Variants in OLFM1 observed in about 807,000 individuals in gnomAD.
OLFM1 encodes the protein noelin.
OLFM1 carries 9 observed loss-of-function variants against 49.7 expected under a neutral mutation model. The ratio of observed to expected loss-of-function variants is 0.18; its 90% CI spans 0.11 to 0.32. The LOEUF (loss-of-function observed/expected upper bound fraction) is 0.32, where lower values mean the gene tolerates loss of function less well. Ranked by LOEUF, OLFM1 falls within the 10% of genes least tolerant of loss-of-function variation. The pLI, the probability that OLFM1 is intolerant of heterozygous loss-of-function variation, is 1.00. For synonymous variants in OLFM1, 240 were observed against 271.8 expected (o/e 0.88, Z 1.15); for missense variants, 369 against 661.8 (o/e 0.56, Z 4.85).
chr9:135,090,455 G>A, intron 2 of OLFM1, 111 bp downstream of exon 2: 2 of 1,134,804 alleles, frequency 1.8e-6, no homozygotes, highest in East Asian at 2.6e-5. Context: ...TAGCTTGCAG[G>A]CCCCATTTTG....
chr9:135,100,419 G>A (rs1465286401), intron 4 of OLFM1, among the ~76,000 whole-genome samples: 1 of 152,194 alleles, frequency 6.6e-6, no homozygotes. Flanking sequence ...CCATTGATTT[G>A]GGAGTAAAGA....
intron 1 of OLFM1, among the ~76,000 whole-genome samples, chr9:135,082,367 G>A (rs729098): frequency 0.13 from 20,197 of 150,238 alleles, 1,594 homozygotes; most frequent in African/African-American, 0.21. Context: ...AAACCCTGCC[G>A]CGGGGATTTC....
In OLFM1 at chr9:135,120,543, T is replaced by A. The variant is rs1240045667; in HGVS notation, c.*365T>A. On this transcript the variant is annotated 3_prime_UTR_variant, in exon 6 of 6. Coordinates refer to ENST00000371793, the MANE Select transcript of OLFM1 (RefSeq NM_001282611.2). The stretch of plus-strand genomic sequence containing the variant: ...ATGGCATGAACATTTCCTTAGATCG[T>A]GGTCAGCTCCGAGGAATGTGGCGTC... 1 of 250,722 alleles carries A rather than the reference T, an allele frequency of 4.0e-6. No homozygotes were observed. The highest frequency in any genetic ancestry group is 2.3e-5 in the African/African-American group (1 of 43,920). The allele number at this position is 250,722 out of a possible 1,614,324, so 15.5% of individuals were successfully genotyped here.
chr9:135,083,216 G>T (rs1371024940), upstream of OLFM1, among the ~76,000 whole-genome samples: 1 of 152,172 alleles, frequency 6.6e-6, no homozygotes, highest in African/African-American at 2.4e-5. Context: ...CGTGTCTGCT[G>T]AATTGTCTTG....
At chr9:135,091,827 TCACAGTCACACACACA>T (rs1830715307) in intron 2 of OLFM1, among the ~76,000 whole-genome samples, 1 of 52,886 alleles carries the variant, frequency 1.9e-5, no homozygotes, top group Non-Finnish European at 3.8e-5. Context: ...TCACACACAC[TCACAGTCACACACACA>T]CTCACACATA....
chr9:135,075,786 G>A, exon 1 of OLFM1: 1 of 1,605,808 alleles, frequency 6.2e-7, no homozygotes, highest in Non-Finnish European at 8.5e-7. Context: ...ATCCTGATGG[G>A]CACTGAACTC....
At chr9:135,110,899 C>T (rs539793560) in intron 5 of OLFM1, among the ~76,000 whole-genome samples, 19 of 152,360 alleles carry the variant, frequency 1.2e-4, no homozygotes, top group Admixed American at 9.8e-4. Flanking sequence ...CAGCGCGGGC[C>T]CAAGTCCCTA....
intron 4 of OLFM1, among the ~76,000 whole-genome samples, chr9:135,102,477 G>T (rs566552879): frequency 1.3e-5 from 2 of 152,250 alleles, no homozygotes; most frequent in African/African-American, 2.4e-5. Context: ...CACTGACTGA[G>T]TGGGGCCCGG....
chr9:135,104,821 G>C (rs2119127056), intron 4 of OLFM1, among the ~76,000 whole-genome samples: 1 of 152,328 alleles, frequency 6.6e-6, no homozygotes, highest in South Asian at 2.1e-4. Flanking sequence ...CCTGCCTCCT[G>C]CTCCTCCAGG....
chr9:135,119,161 T>A (rs183408866), intron 5 of OLFM1, among the ~76,000 whole-genome samples: 4 of 150,796 alleles, frequency 2.7e-5, no homozygotes, highest in African/African-American at 9.8e-5. Context: ...GCTCACCGAG[T>A]CTTTGGAGTA....
At chr9:135,075,894 C>G (rs371917283) in intron 1 of OLFM1, 5 of 1,425,204 alleles carry the variant, frequency 3.5e-6, no homozygotes, top group Non-Finnish European at 1.9e-6. Flanking sequence ...TCTGGCTCCG[C>G]GCCGCCCCGC....
At chr9:135,084,268 T>C (rs1830567590), upstream of OLFM1, among the ~76,000 whole-genome samples, 1 of 152,134 alleles carries the variant, frequency 6.6e-6, no homozygotes, top group Admixed American at 6.5e-5. The surrounding 1 kb of genome is among the most constrained non-coding windows in gnomAD (Gnocchi z 4.6). Context: ...ATGTGGGACC[T>C]CTCTCTGTGT....
At chr9:135,084,502 C>CCTCTCT, upstream of OLFM1, among the ~76,000 whole-genome samples, 2 of 57,258 alleles carry the variant, frequency 3.5e-5, no homozygotes, top group African/African-American at 8.0e-5. This position sits in a 1 kb window ranked among gnomAD's most constrained non-coding sequence, Gnocchi z 4.6. Context: ...CCTCTCTTCT[C>CCTCTCT]TCTCCTCTCT....
chr9:135,100,563 T>A (rs546677160), intron 4 of OLFM1, among the ~76,000 whole-genome samples: 3 of 152,338 alleles, frequency 2.0e-5, no homozygotes, highest in Non-Finnish European at 2.9e-5. Flanking sequence ...TCAGAGCGTC[T>A]GCAGGTGGGG....
At chr9:135,077,346 C>A in intron 1 of OLFM1, 1 of 1,285,598 alleles carries the variant, frequency 7.8e-7, no homozygotes, top group Non-Finnish European at 1.0e-6. Flanking sequence ...CTTAATGGCA[C>A]CCTGAAGCCT....
intron 4 of OLFM1, among the ~76,000 whole-genome samples, chr9:135,103,961 T>C (rs978738538): frequency 6.6e-6 from 1 of 152,172 alleles, no homozygotes; most frequent in African/African-American, 2.4e-5. Flanking sequence ...AGTGAAGCCT[T>C]CGACTTGGGA....
chr9:135,094,434 T>C (rs114795980), intron 2 of OLFM1, among the ~76,000 whole-genome samples: 1 of 152,242 alleles, frequency 6.6e-6, no homozygotes, highest in African/African-American at 2.4e-5. Flanking sequence ...AGGACGAATA[T>C]AGACAAACTT....
rs1373103591 is a variant in OLFM1 at position 135,098,557 on chromosome 9, A to G, written c.676+52A>G. 3.3e-6 allele frequency: 5 copies of G among 1,513,282 alleles called. No homozygotes were observed. The highest frequency in any genetic ancestry group is 1.7e-5 in the Admixed American group (1 of 59,360). 93.7% of individuals were successfully genotyped at this position (1,513,282 alleles called of 1,614,324 possible). On this transcript the variant is annotated intron_variant, in intron 4 of 5. Transcript: ENST00000371793. The surrounding 1 kb of genome is among the most constrained non-coding windows in gnomAD (Gnocchi z 5.6). ...GCGCTGCACTGCCCACCTCCGGCAC[A>G]CGCACAGGCTTAGGGAGTGGTGCTG...
At chr9:135,087,392 C>A, upstream of OLFM1, 1 of 1,546,506 alleles carries the variant, frequency 6.5e-7, no homozygotes, top group Non-Finnish European at 8.7e-7. Context: ...AGCCCCGGGA[C>A]GGGAGGGCCG....
Sources: gnomAD v4.1 joint callset for allele counts (sites outside exome capture counted in the v4.1 genomes callset) on GRCh38, gnomAD v4.1.1 for gene constraint, Gnocchi (gnomAD v3.1) non-coding constraint, MANE v1.5 for transcripts, NCBI Gene and HGNC (gene_info 2026-07-23, HGNC 2026-07-21) for gene names.